MYPN: variants seen among roughly 807,000 people sequenced by gnomAD.
MYPN encodes the protein sarcomeric protein myopalladin, 145 kDa (MYOP).
Under a neutral mutation model 129.4 loss-of-function variants are expected in MYPN, and 63 were observed. The observed-to-expected ratio is 0.49, with a 90% CI of 0.40 to 0.60. MYPN has a LOEUF of 0.60. Ranked by LOEUF, MYPN falls within the 20% of genes least tolerant of loss-of-function variation. The pLI, the probability that MYPN is intolerant of heterozygous loss-of-function variation, is 0.00. For missense variants in MYPN, 1,596 were observed against 1,635.4 expected (o/e 0.98, Z 0.42); for synonymous variants, 629 against 600.9 (o/e 1.05, Z -0.68).
upstream of MYPN, among the ~76,000 whole-genome samples, chr10:68,101,739 TA>T (rs2041982821): frequency 6.6e-6 from 1 of 152,172 alleles, no homozygotes; most frequent in South Asian, 2.1e-4. Context: ...TTTTAAAACT[TA>T]CTTCTGATAG....
At chr10:68,165,267 C>T (rs1338246952) in intron 8 of MYPN, among the ~76,000 whole-genome samples, 4 of 152,218 alleles carry the variant, frequency 2.6e-5, no homozygotes, top group African/African-American at 9.6e-5. Context: ...AGTCTGCCAA[C>T]ATGGCAAAAC....
Position 68,147,868 on chromosome 10 carries a change from G to A in MYPN, c.1131-485G>A, listed in dbSNP as rs75820227. On this transcript the variant is annotated intron_variant, in intron 4 of 19. Coordinates refer to ENST00000358913, the MANE Select transcript of MYPN (RefSeq NM_032578.4). ...TAATTTGTGTAAACTTGAAAAGCTT[G>A]TTGACTTCATGCCATTTCTACTTTC... Among the ~76,000 whole-genome samples the A allele has an allele frequency of 8.2e-3, 1,241 of 152,262 alleles. 17 individuals carry two copies. Among genetic ancestry groups the A allele is most frequent in the African/African-American group, 0.029 (1,184 of 41,540 alleles).
chr10:68,153,187 T>C (rs1438476747), intron 6 of MYPN, among the ~76,000 whole-genome samples: 1 of 151,934 alleles, frequency 6.6e-6, no homozygotes, highest in African/African-American at 2.4e-5. Flanking sequence ...GGTTTCACCA[T>C]GTTGCCCTGG....
chr10:68,097,585 A>G (rs2041962583), intron 1 of MYPN, among the ~76,000 whole-genome samples: 1 of 152,218 alleles, frequency 6.6e-6, no homozygotes, highest in Non-Finnish European at 1.5e-5. Context: ...TAAGTCTCAC[A>G]GCATTCCTAT....
At chr10:68,135,403 C>T (rs2042471302) in intron 2 of MYPN, 1 of 835,884 alleles carries the variant, frequency 1.2e-6, no homozygotes, top group African/African-American at 1.8e-5. Context: ...TCACAAAATT[C>T]AACATAACTT....
chr10:68,174,229 C>A lies in MYPN; in HGVS notation c.2137C>A (p.Pro713Thr). 6.2e-7 allele frequency: 1 copy of A among 1,614,118 alleles called. No individual in the cohort carries two copies. The highest frequency in any genetic ancestry group is 8.5e-7 in the Non-Finnish European group (1 of 1,180,014). ...VTTSSKQVKAPSSQTFSLARP... is the reference protein window; with the variant it reads ...VTTSSKQVKATSSQTFSLARP... Reference sequence around the variant, plus strand: ...AACATCCAGTAAGCAGGTGAAGGCTCCTTCATCACAGACGTTCAGCTTGGC... The same window carrying A: ...AACATCCAGTAAGCAGGTGAAGGCTACTTCATCACAGACGTTCAGCTTGGC... The change falls in exon 11 of 20, where the codon CCT (proline) becomes ACT (threonine). Residue 713 changes from proline to threonine, a missense_variant. Pro to Thr is a conservative substitution (Grantham distance 38). Coordinates refer to ENST00000358913, the MANE Select transcript of MYPN (RefSeq NM_032578.4).
chr10:68,133,021 ATTTTTT>A (rs35346306), intron 2 of MYPN, among the ~76,000 whole-genome samples: 4 of 116,222 alleles, frequency 3.4e-5, no homozygotes, highest in Admixed American at 9.2e-5. Context: ...GTAGACCTCA[ATTTTTT>A]TTTTTTTTTT....
intron 17 of MYPN, 21 bp from the exon 18 acceptor site, chr10:68,201,808 A>T: frequency 1.2e-6 from 2 of 1,613,126 alleles, no homozygotes; most frequent in Non-Finnish European, 1.7e-6. Flanking sequence ...AGAAAAAAAG[A>T]ATGACCCTTC....
chr10:68,096,299 A>G (rs2041956191), intron 1 of MYPN, among the ~76,000 whole-genome samples: 2 of 152,212 alleles, frequency 1.3e-5, no homozygotes. Flanking sequence ...GTGAAACATG[A>G]GTATTAAAGC....
chr10:68,192,824 T>C (rs7913582), intron 13 of MYPN, among the ~76,000 whole-genome samples: 63,562 of 151,940 alleles, frequency 0.42, 13,971 homozygotes, highest in Non-Finnish European at 0.49. Context: ...TAATAGTCTC[T>C]AGTGATCCTT....
chr10:68,170,719 C>T (rs141967002), intron 10 of MYPN, among the ~76,000 whole-genome samples: 31 of 152,272 alleles, frequency 2.0e-4, no homozygotes, highest in African/African-American at 7.0e-4. Context: ...GCAGTGATTC[C>T]TCACCCTGGC....
At chr10:68,140,780 C>A (rs1402325990) in intron 2 of MYPN, among the ~76,000 whole-genome samples, 3 of 152,142 alleles carry the variant, frequency 2.0e-5, no homozygotes, top group Non-Finnish European at 2.9e-5. Flanking sequence ...GCTTTAGAAT[C>A]TTGCCTTATA....
intron 3 of MYPN, among the ~76,000 whole-genome samples, chr10:68,143,983 C>T (rs940732769): frequency 2.0e-5 from 3 of 151,980 alleles, no homozygotes; most frequent in Non-Finnish European, 2.9e-5. Context: ...TTGGACTCCT[C>T]ACCTCAAGTG....
intron 7 of MYPN, among the ~76,000 whole-genome samples, chr10:68,160,155 C>A (rs534384349): frequency 3.2e-4 from 49 of 152,130 alleles, no homozygotes; most frequent in African/African-American, 1.1e-3. Flanking sequence ...CACCTGTAAT[C>A]CCAGGACTTT....
chr10:68,104,980 C>T (rs2042001246), upstream of MYPN, among the ~76,000 whole-genome samples: 1 of 152,086 alleles, frequency 6.6e-6, no homozygotes, highest in Non-Finnish European at 1.5e-5. Flanking sequence ...GACAGGGTTT[C>T]ACCATGTTGG....
chr10:68,119,326 TATC>T (rs2042205340), intron 1 of MYPN, among the ~76,000 whole-genome samples: 1 of 152,114 alleles, frequency 6.6e-6, no homozygotes. Flanking sequence ...TTTTAAATAT[TATC>T]ATGTGATAAA....
intron 19 of MYPN, among the ~76,000 whole-genome samples, chr10:68,209,579 C>A (rs2043871886): frequency 6.6e-6 from 1 of 150,594 alleles, no homozygotes; most frequent in Admixed American, 6.6e-5. Context: ...CTGTACACTG[C>A]CCCTAACAGG....
In MYPN at chr10:68,128,983, T is replaced by TTCTC. The variant is rs57103796; in HGVS notation, c.902+6648_902+6651dup. ...GCATAGAGAGAGACTAGACGCCAGA[T>TTCTC]TCTCTCTCCTCTCTCTCTCTCTTTT... On this transcript the variant is annotated intron_variant, in intron 2 of 19. Coordinates refer to ENST00000358913, the MANE Select transcript of MYPN (RefSeq NM_032578.4). Among the ~76,000 whole-genome samples the TTCTC allele has an allele frequency of 0.019, 2,928 of 152,120 alleles. 199 individuals are homozygous for TTCTC. In the East Asian group the frequency reaches 0.2, roughly 10 times the overall value.
intron 1 of MYPN, among the ~76,000 whole-genome samples, chr10:68,089,293 A>G (rs1234476259): frequency 6.6e-6 from 1 of 151,782 alleles, no homozygotes; most frequent in Non-Finnish European, 1.5e-5. Flanking sequence ...TGGCCTCCCA[A>G]AGTGCTGGCA....
Sources: allele counts gnomAD v4.1 joint callset (sites outside exome capture counted in the v4.1 genomes callset), GRCh38; gene constraint gnomAD v4.1.1; transcripts MANE v1.5; gene names NCBI Gene and HGNC (gene_info 2026-07-23, HGNC 2026-07-21).